The following ASH1L variants were observed in gnomAD, a reference collection of about 807,000 sequenced individuals.
ASH1L encodes histone-lysine N-methyltransferase ASH1L.
A neutral mutation model predicts 269.0 loss-of-function variants in ASH1L; 23 were observed. The ratio of observed to expected loss-of-function variants is 0.09; its 90% CI spans 0.06 to 0.12. The LOEUF is 0.12. Among genes scored for constraint, ASH1L ranks in the 10% least tolerant of loss-of-function variants. ASH1L has a pLI of 1.00. For synonymous variants in ASH1L, 1,187 were observed against 1,253.5 expected (o/e 0.95, Z 1.12); for missense variants, 2,912 against 3,567.8 (o/e 0.82, Z 4.68).
chr1:155,428,489 TCTGGCCATAAACTGGCCCCAAAA>T (rs993094911), intron 5 of ASH1L, among the ~76,000 whole-genome samples: 1 of 151,480 alleles, frequency 6.6e-6, no homozygotes, highest in Non-Finnish European at 1.5e-5. Context: ...CCCCCCAAAA[TCTGGCCATAAACTGGCCCCAAAA>T]CTGGCCATAA....
At chr1:155,382,513 C>T (rs1169556044) in intron 7 of ASH1L, among the ~76,000 whole-genome samples, 16 of 151,974 alleles carry the variant, frequency 1.1e-4, no homozygotes, top group Admixed American at 6.6e-5. Flanking sequence ...AACAAACAAA[C>T]GAACAAACAA....
At chr1:155,485,023 C>T (rs1666238161) in intron 2 of ASH1L, among the ~76,000 whole-genome samples, 1 of 151,004 alleles carries the variant, frequency 6.6e-6, no homozygotes, top group South Asian at 2.1e-4. Flanking sequence ...CTTTGTGAGG[C>T]CAAGACGGGT....
rs546661875 is a variant in ASH1L, at chr1:155,516,262, T to TC, written c.420+4837_420+4838insG. On this transcript the variant is annotated intron_variant, in intron 2 of 27. Coordinates refer to ENST00000392403, the MANE Select transcript of ASH1L (RefSeq NM_018489.3). ...AATATTTCAGTAGACAAAAGAACAC[T>TC]ATTTTCAGTAGCTAACTCACTGAAC... is the stretch of plus-strand genomic sequence containing the variant. Among the ~76,000 whole-genome samples, 14 of 152,290 alleles carry TC rather than the reference T, an allele frequency of 9.2e-5. No individual in the cohort carries two copies. The South Asian group carries it at 2.9e-3, about 32-fold the overall frequency.
chr1:155,337,856 C>T (rs764986330), intron 27 of ASH1L, 105 bp from the exon 28 acceptor site: 37 of 1,215,258 alleles, frequency 3.0e-5, no homozygotes, highest in Non-Finnish European at 3.9e-5. Context: ...CCTTTTCTGA[C>T]CTATAAGCAA....
intron 4 of ASH1L, among the ~76,000 whole-genome samples, chr1:155,449,123 A>T (rs971257192): frequency 1.3e-5 from 2 of 151,820 alleles, no homozygotes; most frequent in Admixed American, 6.6e-5. Context: ...TTTAGCAGAG[A>T]TAGGGTTTCA....
chr1:155,374,105 G>A (rs1656220987), intron 10 of ASH1L, among the ~76,000 whole-genome samples: 1 of 152,148 alleles, frequency 6.6e-6, no homozygotes, highest in African/African-American at 2.4e-5. Flanking sequence ...GAGGCGGGAG[G>A]ATCACGTGAG....
chr1:155,434,000 G>A, intron 5 of ASH1L: 1 of 1,587,560 alleles, frequency 6.3e-7, no homozygotes, highest in South Asian at 1.1e-5. Context: ...GAAGGATGTG[G>A]TCCGAGTGTG....
chr1:155,405,113 T>TA (rs964746120), intron 6 of ASH1L, among the ~76,000 whole-genome samples: 29 of 149,102 alleles, frequency 1.9e-4, no homozygotes, highest in South Asian at 4.3e-4. Context: ...AGCAGTAAAT[T>TA]AAAAAAAAAT....
chr1:155,499,845 T>G (rs914786241), intron 2 of ASH1L, among the ~76,000 whole-genome samples: 11 of 150,270 alleles, frequency 7.3e-5, no homozygotes, highest in Admixed American at 2.0e-4. Flanking sequence ...TCAATAATGA[T>G]TTTTTTTTTC....
chr1:155,389,824 A>AT (rs1303102307), intron 7 of ASH1L, among the ~76,000 whole-genome samples: 2 of 149,106 alleles, frequency 1.3e-5, no homozygotes, highest in Admixed American at 6.7e-5. Flanking sequence ...AATACAATTG[A>AT]TTTTTTAATA....
intron 2 of ASH1L, among the ~76,000 whole-genome samples, chr1:155,501,531 T>C (rs987401964): frequency 6.6e-6 from 1 of 151,874 alleles, no homozygotes; most frequent in African/African-American, 2.4e-5. Flanking sequence ...TCACCATTCC[T>C]GGCTAATTTT....
intron 1 of ASH1L, among the ~76,000 whole-genome samples, chr1:155,550,075 C>T (rs1016817793): frequency 6.6e-5 from 10 of 151,882 alleles, no homozygotes; most frequent in African/African-American, 2.2e-4. Context: ...AGCTGGAGTG[C>T]CGTGGCGTAA....
chr1:155,340,977 GTTGTT>G (rs1250793255), intron 25 of ASH1L, among the ~76,000 whole-genome samples: 1 of 151,866 alleles, frequency 6.6e-6, no homozygotes, highest in Non-Finnish European at 1.5e-5. Context: ...TGTTGTTGTT[GTTGTT>G]TTGTTTTGAG....
At chr1:155,559,231 T>A (rs1473033505) in intron 1 of ASH1L, among the ~76,000 whole-genome samples, 1 of 152,066 alleles carries the variant, frequency 6.6e-6, no homozygotes, top group Non-Finnish European at 1.5e-5. Flanking sequence ...AAACCAATAG[T>A]TCCTTTATAC....
chr1:155,370,500 T>G lies in ASH1L; in HGVS notation c.6686+4A>C, dbSNP rs779679548. 3 of 1,613,712 alleles carry G rather than the reference T, an allele frequency of 1.9e-6. No homozygotes were observed. On this transcript the variant is annotated splice_donor_region_variant and intron_variant, in intron 12 of 27. Transcript: ENST00000392403. The stretch of plus-strand genomic sequence containing the variant: ...CTTGTCTTCACCTTCTTTTGCTTCC[T>G]TACCATTTCTGCATTTCACAATTTG...
chr1:155,540,951 C>A (rs1040960319), intron 1 of ASH1L, among the ~76,000 whole-genome samples: 7 of 151,896 alleles, frequency 4.6e-5, no homozygotes, highest in Admixed American at 3.9e-4. Flanking sequence ...TCCTTTCCAT[C>A]TTAGTTTAAA....
At chr1:155,347,256 CG>C (rs531824865) in intron 20 of ASH1L, among the ~76,000 whole-genome samples, 57 of 152,098 alleles carry the variant, frequency 3.7e-4, no homozygotes, top group Non-Finnish European at 6.8e-4. Context: ...AAAAATTAGC[CG>C]GGCATGGTGG....
At chr1:155,466,298 A>G (rs752163089) in intron 3 of ASH1L, among the ~76,000 whole-genome samples, 29 of 152,118 alleles carry the variant, frequency 1.9e-4, no homozygotes, top group Admixed American at 1.2e-3. Flanking sequence ...AGCTTGCAGT[A>G]AGCCAAGATA....
intron 1 of ASH1L, among the ~76,000 whole-genome samples, chr1:155,546,920 A>G (rs1670865774): frequency 6.6e-6 from 1 of 151,494 alleles, no homozygotes; most frequent in Non-Finnish European, 1.5e-5. Context: ...CTTTCTGGGA[A>G]AGACTACAAA....
Sources: gnomAD v4.1 joint callset for allele counts (sites outside exome capture counted in the v4.1 genomes callset) on GRCh38, gnomAD v4.1.1 for gene constraint, MANE v1.5 for transcripts, NCBI Gene and HGNC (gene_info 2026-07-23, HGNC 2026-07-21) for gene names.